GAK: variants seen among roughly 807,000 people sequenced by gnomAD.
GAK encodes cyclin G associated kinase.
Under a neutral mutation model 143.9 loss-of-function variants are expected in GAK, and 79 were observed. The ratio of observed to expected loss-of-function variants is 0.55; its 90% CI spans 0.46 to 0.66. The LOEUF (loss-of-function observed/expected upper bound fraction) is 0.66. Ranked by LOEUF, GAK falls within the 30% of genes least tolerant of loss-of-function variation. The pLI is 0.00. For synonymous variants in GAK, 881 were observed against 765.5 expected (o/e 1.15, Z -2.49); for missense variants, 1,693 against 1,779.7 (o/e 0.95, Z 0.88).
intron 3 of GAK, chr4:912,420 G>GGGGGC (rs1377908168): frequency 2.6e-6 from 1 of 387,854 alleles, no homozygotes; most frequent in Admixed American, 3.7e-5. Context: ...GAGGAGCTGA[G>GGGGGC]GGGGCCGGGC....
At chr4:904,901 T>TCTGGTCGTTTTGTTACTTAGGTGTGG in intron 4 of GAK, 122 bp from the exon 5 acceptor site, 1 of 965,876 alleles carries the variant, frequency 1.0e-6, no homozygotes, top group Non-Finnish European at 1.5e-6. Flanking sequence ...TTTCCACACC[T>TCTGGTCGTTTTGTTACTTAGGTGTGG]AAGTAACAAA....
intron 24 of GAK, among the ~76,000 whole-genome samples, chr4:855,918 G>A (rs1356062670): frequency 6.6e-6 from 1 of 152,200 alleles, no homozygotes; most frequent in Non-Finnish European, 1.5e-5. Flanking sequence ...TTATGCCACT[G>A]CACTCCAGCC....
At chr4:872,062 T>A (rs1284192787) in intron 18 of GAK, among the ~76,000 whole-genome samples, 2 of 152,138 alleles carry the variant, frequency 1.3e-5, no homozygotes, top group Non-Finnish European at 1.5e-5. Context: ...CAGAGTGGGA[T>A]CCGCCGAGGG....
intron 24 of GAK, among the ~76,000 whole-genome samples, chr4:857,399 C>G (rs1749482077): frequency 6.6e-6 from 1 of 152,204 alleles, no homozygotes; most frequent in Non-Finnish European, 1.5e-5. Context: ...CATTCTCTTT[C>G]AACATTCGGT....
At chr4:900,091 C>T (rs548814818) in intron 5 of GAK, among the ~76,000 whole-genome samples, 9 of 152,382 alleles carry the variant, frequency 5.9e-5, no homozygotes, top group South Asian at 2.1e-4. Flanking sequence ...CAGTGGCACA[C>T]GGCCACTGAA....
At chr4:876,262 G>A (rs1713843513) in intron 18 of GAK, among the ~76,000 whole-genome samples, 1 of 150,270 alleles carries the variant, frequency 6.7e-6, no homozygotes, top group Non-Finnish European at 1.5e-5. Flanking sequence ...GCCGCCACCC[G>A]CTCACCTGCT....
At chr4:931,983 C>T in intron 1 of GAK, 60 bp downstream of exon 1, 3 of 1,237,344 alleles carry the variant, frequency 2.4e-6, no homozygotes, top group Non-Finnish European at 2.3e-6. Flanking sequence ...TGACGCTGCC[C>T]CCAGCGTCCC....
chr4:874,918 T>C (rs1713521402), intron 18 of GAK, among the ~76,000 whole-genome samples: 1 of 152,204 alleles, frequency 6.6e-6, no homozygotes. Flanking sequence ...AGAAGATCTT[T>C]TCTACCAATT....
At chr4:903,542 C>T (rs1436268263) in intron 5 of GAK, among the ~76,000 whole-genome samples, 2 of 146,662 alleles carry the variant, frequency 1.4e-5, no homozygotes, top group Admixed American at 6.8e-5. Flanking sequence ...GGAAGGGGCA[C>T]TGGGTGAGCA....
chr4:912,763 C>G lies in GAK; in HGVS notation c.239G>C (p.Arg80Thr), dbSNP rs780591271. The change falls in exon 3 of 28, where the codon AGA becomes ACA. Residue 80 changes from arginine (R) to threonine (T), a missense_variant. By Grantham distance (71) the Arg-to-Thr change is moderately conservative (BLOSUM62 -1). Around this residue, in one of 2 missense-constraint regions of GAK, gnomAD observed 871 missense variants for 991.0 expected, o/e 0.88. Coordinates refer to ENST00000314167, the MANE Select transcript of GAK (RefSeq NM_005255.4). ...GAAGCAAACTTCTTGAATGATGGCT[C>G]TGTTCTTTTCCTCTTCATTGGATAA... The part of the protein sequence containing the change: ...RLLSNEEEKN[R>T]AIIQEVCFMK... 3 of 1,613,870 alleles carry G rather than the reference C, an allele frequency of 1.9e-6. No individual in the cohort carries two copies. The highest frequency in any genetic ancestry group is 2.5e-6 in the Non-Finnish European group (3 of 1,179,886).
intron 17 of GAK, 103 bp downstream of exon 17, chr4:876,987 A>G: frequency 1.3e-6 from 1 of 774,504 alleles, no homozygotes; most frequent in Non-Finnish European, 2.2e-6. Flanking sequence ...CCAAACAGCG[A>G]GCACCCTGGA....
chr4:905,569 C>T (rs966878719), intron 4 of GAK, among the ~76,000 whole-genome samples: 5 of 150,342 alleles, frequency 3.3e-5, no homozygotes, highest in African/African-American at 7.4e-5. Context: ...GGCCATGCTA[C>T]GGACTTCGCC....
At chr4:890,420 G>T in intron 10 of GAK, 112 bp downstream of exon 10, 1 of 711,034 alleles carries the variant, frequency 1.4e-6, no homozygotes, top group South Asian at 1.9e-5. Context: ...ATCTCTGGTG[G>T]GAGAGGAGGC....
chr4:866,900 C>A, intron 21 of GAK, 56 bp downstream of exon 21: 2 of 1,282,056 alleles, frequency 1.6e-6, no homozygotes, highest in Non-Finnish European at 2.1e-6. Context: ...GAGAATGACT[C>A]AGCCTCATCA....
chr4:866,550 G>A lies in GAK; in HGVS notation c.2873-16C>T. ...AAGGGGTCAGCTGTGGGGACAGGCG[G>A]GCATGGGGAGGACTCAGCCCGGCTG... On this transcript the variant is annotated splice_polypyrimidine_tract_variant and intron_variant, in intron 21 of 27. Transcript: ENST00000314167. 6.2e-7 allele frequency: 1 copy of A among 1,610,774 alleles called. No homozygotes were observed. Among genetic ancestry groups the A allele is most frequent in the Non-Finnish European group, 8.5e-7 (1 of 1,178,810 alleles).
At chr4:850,744 C>G (rs563088646) in intron 26 of GAK, 192 bp downstream of exon 26, 32 of 490,970 alleles carry the variant, frequency 6.5e-5, no homozygotes, top group African/African-American at 6.1e-4. Context: ...GCCACCCTGT[C>G]CTTGAGGGCT....
rs189787551 is a variant in GAK at position 901,430 on chromosome 4, C to T, written c.525+3207G>A. 1.5e-3 allele frequency among the ~76,000 whole-genome samples: 230 copies of T among 152,326 alleles called. 1 individual carries two copies. The highest frequency in any genetic ancestry group is 5.2e-3 in the African/African-American group (218 of 41,576). On this transcript the variant is annotated intron_variant, in intron 5 of 27. Coordinates refer to ENST00000314167, the MANE Select transcript of GAK (RefSeq NM_005255.4). Reference sequence around the variant, plus strand: ...CCTTGGATCCCCCACCTAGGGCACACGGGGAGAGCTGGGGGGCTCTGAGGC... The same window carrying T: ...CCTTGGATCCCCCACCTAGGGCACATGGGGAGAGCTGGGGGGCTCTGAGGC...
intron 4 of GAK, among the ~76,000 whole-genome samples, chr4:907,053 C>T (rs528058603): frequency 1.3e-5 from 2 of 152,350 alleles, no homozygotes; most frequent in East Asian, 1.9e-4. Flanking sequence ...CTGTGTCTGG[C>T]GAGTCACTGA....
At chr4:856,211 TCACCACAGCTGCTCAC>T (rs1420418276) in intron 24 of GAK, among the ~76,000 whole-genome samples, 31 of 135,724 alleles carry the variant, frequency 2.3e-4, no homozygotes, top group East Asian at 7.3e-4. Context: ...TCACACCTGC[TCACCACAGCTGCTCAC>T]CACCACAGCT....
Sources: gnomAD v4.1 joint callset for allele counts (sites outside exome capture counted in the v4.1 genomes callset) on GRCh38, gnomAD v4.1.1 for gene constraint, gnomAD v4.1.1 regional missense constraint, MANE v1.5 for transcripts, NCBI Gene and HGNC (gene_info 2026-07-23, HGNC 2026-07-21) for gene names.